Variants in DIP2C observed in about 807,000 individuals in gnomAD.
DIP2C encodes disco-interacting protein 2 homolog C.
A neutral mutation model predicts 192.4 loss-of-function variants in DIP2C; 33 were observed. The ratio of observed to expected loss-of-function variants is 0.17; its 90% CI spans 0.13 to 0.23. The LOEUF is 0.23. DIP2C is among the 10% of genes least tolerant of loss of function. The pLI is 1.00. For missense variants in DIP2C, 1,537 were observed against 2,110.1 expected (o/e 0.73, Z 5.32); for synonymous variants, 979 against 864.1 (o/e 1.13, Z -2.33).
At chr10:467,093 T>C (rs941538398) in intron 3 of DIP2C, among the ~76,000 whole-genome samples, 3 of 151,958 alleles carry the variant, frequency 2.0e-5, no homozygotes, top group Admixed American at 6.6e-5. Context: ...CGTATGTTTA[T>C]TGCGGCATTA....
In DIP2C at chr10:283,294, A is replaced by G. The variant is rs1256028685; in HGVS notation, c.4272T>C (p.Thr1424=). The G allele has an allele frequency of 6.2e-7, 1 of 1,613,888 alleles. No homozygotes were observed. Among genetic ancestry groups the G allele is most frequent in the South Asian group, 1.1e-5 (1 of 91,056 alleles). The change falls in exon 35 of 37, where the codon ACT becomes ACC. Residue 1424 remains threonine, a synonymous_variant. Transcript: ENST00000280886. The stretch of plus-strand genomic sequence containing the variant: ...CACCTCCATTTGCATCTGTGAGCTC[A>G]GTTCTCCGCAGGAACCCCAAGTAGC... ...RTGYLGFLRR[T]ELTDANGERH...
At chr10:519,967 G>A (rs1336140559) in intron 1 of DIP2C, among the ~76,000 whole-genome samples, 4 of 152,194 alleles carry the variant, frequency 2.6e-5, no homozygotes, top group African/African-American at 9.7e-5. Flanking sequence ...CTCCGTCTTG[G>A]AGCACACCAT....
At chr10:415,161 A>G (rs1471137568) in intron 7 of DIP2C, among the ~76,000 whole-genome samples, 1 of 152,026 alleles carries the variant, frequency 6.6e-6, no homozygotes, top group African/African-American at 2.4e-5. Flanking sequence ...TCCTTGAGAG[A>G]GGTGAAGAAT....
chr10:426,440 A>G (rs1589769543), intron 4 of DIP2C, among the ~76,000 whole-genome samples: 1 of 152,246 alleles, frequency 6.6e-6, no homozygotes, highest in Non-Finnish European at 1.5e-5. Flanking sequence ...AAACTGTTCC[A>G]TTAATTCAAG....
intron 2 of DIP2C, among the ~76,000 whole-genome samples, chr10:478,565 G>C (rs891948917): frequency 1.3e-5 from 2 of 151,246 alleles, no homozygotes; most frequent in South Asian, 4.2e-4. Flanking sequence ...CCAAATTCCT[G>C]TCTTATTCCC....
chr10:616,531 G>A (rs1320421806), intron 1 of DIP2C, among the ~76,000 whole-genome samples: 2 of 152,190 alleles, frequency 1.3e-5, no homozygotes, highest in African/African-American at 4.8e-5. Flanking sequence ...AACAGAATAA[G>A]CAGGCAGCCC....
chr10:528,032 C>T (rs1381773536), intron 1 of DIP2C, among the ~76,000 whole-genome samples: 1 of 152,204 alleles, frequency 6.6e-6, no homozygotes, highest in African/African-American at 2.4e-5. Context: ...ACAGCAAGGA[C>T]AGTCGTGTCC....
intron 5 of DIP2C, among the ~76,000 whole-genome samples, chr10:421,743 T>G (rs1467395407): frequency 1.3e-5 from 2 of 152,194 alleles, no homozygotes; most frequent in Non-Finnish European, 2.9e-5. Context: ...AAGAAATGGT[T>G]TTTTTCATTT....
chr10:532,142 C>G (rs1198688871), intron 1 of DIP2C, among the ~76,000 whole-genome samples: 1 of 152,074 alleles, frequency 6.6e-6, no homozygotes, highest in African/African-American at 2.4e-5. Context: ...GTCCATCAGC[C>G]CCGGCAGAAG....
chr10:413,490 C>T (rs1331226478), intron 8 of DIP2C, among the ~76,000 whole-genome samples: 1 of 152,250 alleles, frequency 6.6e-6, no homozygotes, highest in Non-Finnish European at 1.5e-5. Context: ...GTCACTGCTT[C>T]AAGCAGCCAT....
intron 29 of DIP2C, among the ~76,000 whole-genome samples, chr10:334,709 G>A (rs567512644): frequency 6.6e-6 from 1 of 152,142 alleles, no homozygotes; most frequent in Non-Finnish European, 1.5e-5. Flanking sequence ...AATTGCTCGG[G>A]TAACTCTATT....
chr10:564,291 C>G (rs1337631923), intron 1 of DIP2C, among the ~76,000 whole-genome samples: 1 of 151,984 alleles, frequency 6.6e-6, no homozygotes, highest in East Asian at 1.9e-4. Flanking sequence ...CCATCCTCAT[C>G]TCCTTGATCT....
intron 1 of DIP2C, among the ~76,000 whole-genome samples, chr10:579,532 C>T: frequency 6.6e-6 from 1 of 151,904 alleles, no homozygotes. Context: ...ATACACACAT[C>T]CAGATCCATA....
chr10:435,531 A>G (rs564551007), intron 4 of DIP2C, among the ~76,000 whole-genome samples: 10 of 152,216 alleles, frequency 6.6e-5, no homozygotes, highest in African/African-American at 2.2e-4. Flanking sequence ...AGGTTTTCCA[A>G]TCCCAGCGGG....
intron 1 of DIP2C, among the ~76,000 whole-genome samples, chr10:555,830 C>G (rs536442429): frequency 6.6e-6 from 1 of 152,132 alleles, no homozygotes; most frequent in East Asian, 1.9e-4. Flanking sequence ...GTCCAGTCTC[C>G]GTTCCACCCC....
intron 3 of DIP2C, among the ~76,000 whole-genome samples, chr10:466,969 G>A (rs1970255983): frequency 6.7e-6 from 1 of 149,568 alleles, no homozygotes; most frequent in Non-Finnish European, 1.5e-5. Context: ...GTGGAAGTCA[G>A]TGTGGCGATT....
intron 1 of DIP2C, among the ~76,000 whole-genome samples, chr10:493,555 C>T (rs919789301): frequency 1.3e-5 from 2 of 152,150 alleles, no homozygotes; most frequent in African/African-American, 4.8e-5. Context: ...CATGGCCCGC[C>T]GCCTGCTGTG....
At chr10:556,796 A>T (rs1034791389) in intron 1 of DIP2C, among the ~76,000 whole-genome samples, 11 of 152,138 alleles carry the variant, frequency 7.2e-5, no homozygotes, top group Admixed American at 2.6e-4. Flanking sequence ...AAACCACCCT[A>T]AACAAGTGTG....
At chr10:458,451 A>T (rs188387586) in intron 3 of DIP2C, among the ~76,000 whole-genome samples, 2 of 152,380 alleles carry the variant, frequency 1.3e-5, no homozygotes, top group Non-Finnish European at 2.9e-5. Flanking sequence ...GACAGCAAGG[A>T]GGATGCCCTC....
Sources: gnomAD v4.1 joint callset for allele counts (sites outside exome capture counted in the v4.1 genomes callset) on GRCh38, gnomAD v4.1.1 for gene constraint, MANE v1.5 for transcripts, NCBI Gene and HGNC (gene_info 2026-07-23, HGNC 2026-07-21) for gene names.